TMEM232: variants seen among roughly 807,000 people sequenced by gnomAD.
The protein encoded by TMEM232 is transmembrane protein 232.
In TMEM232, 80 loss-of-function variants were observed where a neutral mutation model predicts 78.8. The ratio of observed to expected loss-of-function variants is 1.01; its 90% CI spans 0.85 to 1.22. TMEM232 has a LOEUF of 1.22. TMEM232 is among the 50% of genes most tolerant of loss of function. The probability of loss-of-function intolerance (pLI) is 0.00; values close to 1 mark genes in which losing one functional copy is unlikely to be tolerated. For synonymous variants in TMEM232, 297 were observed against 254.3 expected (o/e 1.17, Z -1.60); for missense variants, 881 against 742.2 (o/e 1.19, Z -2.17).
chr5:110,393,955 T>C (rs1755295983), intron 3 of TMEM232, among the ~76,000 whole-genome samples: 2 of 125,058 alleles, frequency 1.6e-5, no homozygotes, highest in African/African-American at 3.3e-5. Flanking sequence ...TGAAACTTCA[T>C]CTCAAAAAAA....
At chr5:110,663,028 C>T (rs940644366) in intron 2 of TMEM232, among the ~76,000 whole-genome samples, 6 of 152,084 alleles carry the variant, frequency 3.9e-5, no homozygotes, top group African/African-American at 1.4e-4. Flanking sequence ...TATCCTCTGA[C>T]CCAGCAATTC....
intron 10 of TMEM232, among the ~76,000 whole-genome samples, chr5:110,580,025 A>T (rs1179051930): frequency 2.0e-5 from 3 of 151,716 alleles, no homozygotes; most frequent in Non-Finnish European, 4.4e-5. Flanking sequence ...CTTATACAGA[A>T]AAAAGAAACA....
At chr5:110,437,596 A>T (rs988355651) in intron 12 of TMEM232, among the ~76,000 whole-genome samples, 1 of 152,042 alleles carries the variant, frequency 6.6e-6, no homozygotes, top group Non-Finnish European at 1.5e-5. Flanking sequence ...TATTATCATT[A>T]CTACTAGTAC....
intron 12 of TMEM232, chr5:110,513,707 AT>A (rs1322453707): frequency 6.2e-6 from 1 of 160,054 alleles, no homozygotes; most frequent in Non-Finnish European, 1.5e-5. Flanking sequence ...TGATGGGGAT[AT>A]GGAGAAAAGG....
At chr5:110,508,461 T>C (rs757367259) in intron 12 of TMEM232, among the ~76,000 whole-genome samples, 9 of 151,302 alleles carry the variant, frequency 5.9e-5, no homozygotes, top group Non-Finnish European at 1.0e-4. Context: ...TGAGGGGTAA[T>C]AAAGATATTC....
At chr5:110,645,825 A>G (rs964919133) in intron 2 of TMEM232, among the ~76,000 whole-genome samples, 1 of 150,918 alleles carries the variant, frequency 6.6e-6, no homozygotes, top group African/African-American at 2.5e-5. Context: ...TAGATAATCC[A>G]CAAAAATCTC....
At chr5:110,416,915 T>C (rs542333781), downstream of TMEM232, among the ~76,000 whole-genome samples, 1 of 152,312 alleles carries the variant, frequency 6.6e-6, no homozygotes, top group East Asian at 1.9e-4. Context: ...TTTGCTTTCC[T>C]TTTTTCAAAA....
At chr5:110,529,077 TTAGG>T (rs1347030392) in intron 11 of TMEM232, among the ~76,000 whole-genome samples, 1 of 152,214 alleles carries the variant, frequency 6.6e-6, no homozygotes, top group African/African-American at 2.4e-5. Context: ...GAAAATTTAG[TTAGG>T]TAATTTTTAT....
intron 2 of TMEM232, among the ~76,000 whole-genome samples, chr5:110,657,384 AGT>A (rs56213934): frequency 5.1e-4 from 76 of 149,278 alleles, no homozygotes; most frequent in African/African-American, 1.7e-3. Flanking sequence ...TATCTATCTG[AGT>A]GTGTGTGTGT....
chr5:110,454,140 T>C (rs1760624418), intron 12 of TMEM232, among the ~76,000 whole-genome samples: 1 of 152,176 alleles, frequency 6.6e-6, no homozygotes, highest in Non-Finnish European at 1.5e-5. Context: ...CCTGAATCAA[T>C]ACTATCCACC....
At chr5:110,653,609 A>G (rs1439352033) in intron 2 of TMEM232, among the ~76,000 whole-genome samples, 4 of 152,310 alleles carry the variant, frequency 2.6e-5, no homozygotes, top group Non-Finnish European at 1.5e-5. Context: ...AATCAAGTTA[A>G]AATTGATCTA....
intron 12 of TMEM232, among the ~76,000 whole-genome samples, chr5:110,485,340 A>T (rs1764345644): frequency 6.6e-6 from 1 of 152,136 alleles, no homozygotes; most frequent in Admixed American, 6.6e-5. Context: ...TTATTGGTGT[A>T]CAGGTGGTAT....
chr5:110,412,918 A>C (rs1580578384), intron 2 of TMEM232, among the ~76,000 whole-genome samples: 1 of 152,200 alleles, frequency 6.6e-6, no homozygotes, highest in Admixed American at 6.5e-5. Flanking sequence ...AGCCTTACAC[A>C]TTAGGCTAAA....
chr5:110,437,922 C>G (rs1037687413), intron 12 of TMEM232, among the ~76,000 whole-genome samples: 8 of 152,054 alleles, frequency 5.3e-5, no homozygotes, highest in Admixed American at 2.6e-4. Context: ...TGCTATTACT[C>G]AAACTATCCC....
At chr5:110,703,369 T>C (rs1795621275) in intron 1 of TMEM232, among the ~76,000 whole-genome samples, 2 of 152,052 alleles carry the variant, frequency 1.3e-5, no homozygotes, top group African/African-American at 2.4e-5. Flanking sequence ...GCTTACTCAC[T>C]GGGGACCTAA....
At chr5:110,683,123 G>GT (rs1208202590) in intron 1 of TMEM232, among the ~76,000 whole-genome samples, 6 of 151,984 alleles carry the variant, frequency 3.9e-5, no homozygotes, top group Non-Finnish European at 8.8e-5. Context: ...CTTATTATGT[G>GT]TTTTTTTGTG....
upstream of TMEM232, among the ~76,000 whole-genome samples, chr5:110,728,245 C>A (rs1465851491): frequency 6.6e-6 from 1 of 151,582 alleles, no homozygotes; most frequent in Non-Finnish European, 1.5e-5. Flanking sequence ...CACATATCTA[C>A]TTATTCTAAA....
chr5:110,506,946 CT>C (rs1251458791), intron 12 of TMEM232, among the ~76,000 whole-genome samples: 4 of 151,986 alleles, frequency 2.6e-5, no homozygotes, highest in African/African-American at 4.8e-5. Context: ...TCTCTTGGGC[CT>C]ATAACTTTAT....
At chr5:110,544,656 T>C (rs1773564380) in intron 11 of TMEM232, among the ~76,000 whole-genome samples, 1 of 152,218 alleles carries the variant, frequency 6.6e-6, no homozygotes, top group Admixed American at 6.6e-5. Flanking sequence ...TTACCTTTCC[T>C]TAAGTAATCT....
Sources: gnomAD v4.1 joint callset for allele counts (sites outside exome capture counted in the v4.1 genomes callset) on GRCh38, gnomAD v4.1.1 for gene constraint, MANE v1.5 for transcripts, NCBI Gene and HGNC (gene_info 2026-07-23, HGNC 2026-07-21) for gene names.